Variants in MGST1 observed in about 807,000 individuals in gnomAD.
MGST1 encodes the protein glutathione S-transferase 12.
Under a neutral mutation model 8.9 loss-of-function variants are expected in MGST1, and 5 were observed. The observed-to-expected ratio is 0.56, with a 90% CI of 0.29 to 1.19. The LOEUF (loss-of-function observed/expected upper bound fraction) is 1.19, where lower values mean the gene tolerates loss of function less well. Ranked by LOEUF, MGST1 falls within the 50% of genes most tolerant of loss-of-function variation. The probability of loss-of-function intolerance (pLI) is 0.08; values close to 1 mark genes in which losing one functional copy is unlikely to be tolerated. For synonymous variants in MGST1, 54 were observed against 67.8 expected (o/e 0.80, Z 1.00); for missense variants, 182 against 187.4 (o/e 0.97, Z 0.17).
chr12:16,482,622 CTCTG>C lies in MGST1; in HGVS notation n.482+99023_482+99026del, dbSNP rs1941371637. On this transcript the variant is annotated intron_variant and non_coding_transcript_variant, in intron 4 of 4. Coordinates refer to the MGST1 transcript ENST00000538857. This position sits in a 1 kb window ranked among gnomAD's most constrained non-coding sequence, Gnocchi z 4.2. ...CTCCAGCCTGGGTTACAGAGCAAGA[CTCTG>C]TCTGGAAGAAAAAAAAAAAAGAGTG... Among the ~76,000 whole-genome samples the C allele has an allele frequency of 7.7e-6, 1 of 130,176 alleles. No individual in the cohort carries two copies. The highest frequency in any genetic ancestry group is 2.7e-5 in the African/African-American group (1 of 37,430). The allele number at this position is 130,176 out of a possible 152,430, so 85.4% of individuals were successfully genotyped here.
intron 1 of MGST1, among the ~76,000 whole-genome samples, chr12:16,425,344 A>G (rs1272704103): frequency 1.3e-5 from 2 of 152,102 alleles, no homozygotes; most frequent in African/African-American, 2.4e-5. Context: ...GTGCAATGGC[A>G]TGATCTCGGC....
At chr12:16,402,217 A>G in intron 1 of MGST1, 1 of 1,587,466 alleles carries the variant, frequency 6.3e-7, no homozygotes, top group Non-Finnish European at 8.6e-7. Flanking sequence ...TTGTCATCAC[A>G]AAAGACCATG....
intron 4 of MGST1, among the ~76,000 whole-genome samples, chr12:16,509,592 A>T (rs896832764): frequency 1.3e-5 from 2 of 152,230 alleles, no homozygotes; most frequent in African/African-American, 4.8e-5. Context: ...ATCAAGATTC[A>T]TAAGTTCAGA....
intron 1 of MGST1, among the ~76,000 whole-genome samples, chr12:16,398,921 A>T (rs570898047): frequency 6.8e-4 from 103 of 152,342 alleles, no homozygotes; most frequent in African/African-American, 2.4e-3. Context: ...ACCTTGTACC[A>T]CTGTCTTGGA....
chr12:16,564,567 A>T (rs937825254), intron 4 of MGST1, among the ~76,000 whole-genome samples: 1 of 152,186 alleles, frequency 6.6e-6, no homozygotes, highest in Non-Finnish European at 1.5e-5. Flanking sequence ...AGTGTCTTTT[A>T]TTTCACAGCA....
chr12:16,386,517 G>C (rs1424793022), intron 1 of MGST1, among the ~76,000 whole-genome samples: 1 of 152,182 alleles, frequency 6.6e-6, no homozygotes, highest in Admixed American at 6.5e-5. Flanking sequence ...CTGCCTCCCA[G>C]CCTACTCTCA....
At chr12:16,572,706 T>C (rs1942857736) in intron 4 of MGST1, among the ~76,000 whole-genome samples, 2 of 148,010 alleles carry the variant, frequency 1.4e-5, no homozygotes, top group African/African-American at 4.9e-5. Context: ...ATATATTATA[T>C]ATAATTTAAA....
intron 1 of MGST1, among the ~76,000 whole-genome samples, chr12:16,394,572 T>TTCTTCTC (rs1565446467): frequency 5.1e-5 from 4 of 78,212 alleles, no homozygotes; most frequent in Admixed American, 1.4e-4. Context: ...CTTTCTTTCT[T>TTCTTCTC]TCTTCTCTCT....
chr12:16,400,893 A>T (rs1940649453), intron 1 of MGST1: 3 of 1,198,668 alleles, frequency 2.5e-6, no homozygotes, highest in African/African-American at 1.5e-5. Context: ...TGTTTATAGG[A>T]CACATTAGAT....
At position 16,395,197 on chromosome 12, in the gene MGST1, T is replaced by TTA. The variant is rs200978522; in HGVS notation, n.778+11603_778+11604dup. 4.3e-3 allele frequency among the ~76,000 whole-genome samples: 661 copies of TTA among 152,082 alleles called. 7 individuals are homozygous for TTA. The highest frequency in any genetic ancestry group is 0.015 in the African/African-American group (639 of 41,490). On this transcript the variant is annotated intron_variant and non_coding_transcript_variant, in intron 1 of 1. Coordinates refer to the MGST1 transcript ENST00000359720. ...GGTCATAATGCTGGGGAAGGATTTT[T>TTA]TATATATATATTAGAAGGTAGGGAT...
intron 4 of MGST1, among the ~76,000 whole-genome samples, chr12:16,538,829 C>T (rs537376824): frequency 4.6e-5 from 7 of 152,070 alleles, no homozygotes; most frequent in East Asian, 1.9e-4. Context: ...AGGAGGGTAT[C>T]GATCTCCTGA....
rs16911981 is a variant in MGST1 at position 16,498,924 on chromosome 12, A to T, written n.483-90604A>T. Among the ~76,000 whole-genome samples the T allele has an allele frequency of 1.3e-3, 192 of 152,316 alleles. 3 individuals carry two copies. The East Asian group carries it at 0.031, about 25-fold the overall frequency. ...GACTTAAAAAGGAGACTCCGGTGAT[A>T]TAAAGAATGATTTGGGTTATACTAA... is the stretch of plus-strand genomic sequence containing the variant. On this transcript the variant is annotated intron_variant and non_coding_transcript_variant, in intron 4 of 4. Coordinates refer to the MGST1 transcript ENST00000538857.
chr12:16,413,196 A>G lies in MGST1; in HGVS notation n.779-24192A>G, dbSNP rs1204444532. On this transcript the variant is annotated intron_variant and non_coding_transcript_variant, in intron 1 of 1. Transcript: ENST00000359720. The surrounding 1 kb of genome is among the most constrained non-coding windows in gnomAD (Gnocchi z 4.0). ...ACTATCACTGACTTTCTCGAGCCCT[A>G]TTTGGCTCTGCAGGAGCTAAACTGG... Among the ~76,000 whole-genome samples, 5 of 152,290 alleles carry G rather than the reference A, an allele frequency of 3.3e-5. No homozygotes were observed. The highest frequency in any genetic ancestry group is 2.1e-4 in the South Asian group (1 of 4,816).
chr12:16,479,447 G>A (rs1476939960), intron 4 of MGST1, among the ~76,000 whole-genome samples: 1 of 151,220 alleles, frequency 6.6e-6, no homozygotes, highest in Non-Finnish European at 1.5e-5. Context: ...CATTAGCCAG[G>A]ATGGTGTCCA....
At chr12:16,442,381 C>T (rs12810203), downstream of MGST1, among the ~76,000 whole-genome samples, 3 of 151,814 alleles carry the variant, frequency 2.0e-5, no homozygotes, top group African/African-American at 7.3e-5. The surrounding 1 kb of genome is among the most constrained non-coding windows in gnomAD (Gnocchi z 4.5). Context: ...TCTAAAATGT[C>T]ATCACGATAC....
downstream of MGST1, among the ~76,000 whole-genome samples, chr12:16,591,756 T>C (rs757552680): frequency 1.3e-5 from 2 of 152,072 alleles, no homozygotes; most frequent in Non-Finnish European, 2.9e-5. This position sits in a 1 kb window ranked among gnomAD's most constrained non-coding sequence, Gnocchi z 4.1. Flanking sequence ...ACAAGCTAAG[T>C]CTGTCTTGCT....
At chr12:16,426,674 C>T (rs78064765) in intron 1 of MGST1, among the ~76,000 whole-genome samples, 139 of 152,136 alleles carry the variant, frequency 9.1e-4, no homozygotes, top group African/African-American at 2.9e-3. Context: ...TGAACAAGGC[C>T]GGGCGCGTGG....
At position 16,363,120 on chromosome 12, in the gene MGST1, C is replaced by T. The variant is rs1940073893; in HGVS notation, c.222-675C>T. 6.6e-6 allele frequency: 1 copy of T among 152,184 alleles called. No homozygotes were observed. The highest frequency in any genetic ancestry group is 1.5e-5 in the Non-Finnish European group (1 of 68,044). The allele number at this position is 152,184 out of a possible 1,614,324, so 9.4% of individuals were successfully genotyped here. The stretch of plus-strand genomic sequence containing the variant: ...AAAACATTTAGGAAATTCTCTCTTT[C>T]TCTCTTTCACCTATCCTACTTTTTG... On this transcript the variant is annotated intron_variant, in intron 3 of 3. Coordinates refer to ENST00000396210, the MANE Select transcript of MGST1 (RefSeq NM_020300.5). This position sits in a 1 kb window ranked among gnomAD's most constrained non-coding sequence, Gnocchi z 4.6.
At chr12:16,356,457 T>C (rs1939717854) in intron 2 of MGST1, among the ~76,000 whole-genome samples, 1 of 152,176 alleles carries the variant, frequency 6.6e-6, no homozygotes, top group South Asian at 2.1e-4. Context: ...TGAGGAAAAC[T>C]GATGGGCAGT....
Sources: allele counts gnomAD v4.1 joint callset (sites outside exome capture counted in the v4.1 genomes callset), GRCh38; gene constraint gnomAD v4.1.1; non-coding constraint Gnocchi (gnomAD v3.1); transcripts MANE v1.5; gene names NCBI Gene and HGNC (gene_info 2026-07-23, HGNC 2026-07-21).